LMX1A: variants seen among roughly 807,000 people sequenced by gnomAD.
The protein encoded by LMX1A is LIM homeobox transcription factor 1-alpha.
In LMX1A, 15 loss-of-function variants were observed where a neutral mutation model predicts 49.1. The ratio of observed to expected loss-of-function variants is 0.31; its 90% CI spans 0.20 to 0.47. LMX1A has a LOEUF of 0.47. Ranked by LOEUF, LMX1A falls within the 20% of genes least tolerant of loss-of-function variation. LMX1A has a pLI of 1.00. For synonymous variants in LMX1A, 167 were observed against 185.7 expected, an observed-to-expected ratio of 0.90 and a Z score of 0.82; for missense variants, 372 against 475.8, an observed-to-expected ratio of 0.78 and a Z score of 2.03.
At chr1:165,231,705 A>T (rs572539206) in intron 4 of LMX1A, among the ~76,000 whole-genome samples, 1 of 152,184 alleles carries the variant, frequency 6.6e-6, no homozygotes, top group East Asian at 1.9e-4. Context: ...GTGCAAAATT[A>T]TAGTTGTTGT....
chr1:165,301,277 C>G (rs1654766957), intron 3 of LMX1A, among the ~76,000 whole-genome samples: 1 of 152,184 alleles, frequency 6.6e-6, no homozygotes, highest in Non-Finnish European at 1.5e-5. Flanking sequence ...CACCTGGCAA[C>G]TGTATGGTTG....
chr1:165,238,273 T>G (rs902228775), intron 4 of LMX1A, among the ~76,000 whole-genome samples: 2 of 152,222 alleles, frequency 1.3e-5, no homozygotes, highest in Non-Finnish European at 2.9e-5. Flanking sequence ...TTTATTCATT[T>G]GATTGATGGG....
chr1:165,337,398 C>A (rs1409913012), intron 3 of LMX1A, among the ~76,000 whole-genome samples: 1 of 152,066 alleles, frequency 6.6e-6, no homozygotes, highest in Non-Finnish European at 1.5e-5. Flanking sequence ...CTAAAACAAC[C>A]AAATAGGAAT....
intron 3 of LMX1A, among the ~76,000 whole-genome samples, chr1:165,260,925 A>AT (rs1319302508): frequency 3.3e-5 from 5 of 152,232 alleles, no homozygotes; most frequent in Admixed American, 3.3e-4. Context: ...CTCAAAGCAC[A>AT]TGCAATCTTG....
At chr1:165,322,819 A>G (rs556021280) in intron 3 of LMX1A, among the ~76,000 whole-genome samples, 2 of 152,298 alleles carry the variant, frequency 1.3e-5, no homozygotes, top group South Asian at 2.1e-4. Context: ...TTTTATCTCA[A>G]TAAACAGAAA....
chr1:165,349,962 T>C (rs1010121872), intron 3 of LMX1A, among the ~76,000 whole-genome samples: 1 of 152,202 alleles, frequency 6.6e-6, no homozygotes, highest in Non-Finnish European at 1.5e-5. Context: ...TGATTGACAC[T>C]GAAAACTGTG....
rs6660972 is a variant in LMX1A, at chr1:165,249,792, A to G, written c.264-152T>C. Reference sequence around the variant, plus strand: ...TTTAAATCCAGGTTATTTATTCCCTAAGGAGATTGAATTGAAGCATTCAGT... The same window carrying G: ...TTTAAATCCAGGTTATTTATTCCCTGAGGAGATTGAATTGAAGCATTCAGT... On this transcript the variant is annotated intron_variant, in intron 3 of 8. Coordinates refer to ENST00000342310, the MANE Select transcript of LMX1A (RefSeq NM_177398.4). 49,078 of 645,918 alleles carry G rather than the reference A, an allele frequency of 0.076. 2,627 individuals are homozygous for G. Among genetic ancestry groups the G allele is most frequent in the South Asian group, 0.2 (10,309 of 51,970 alleles). The allele number at this position is 645,918 out of a possible 1,614,324, so 40.0% of individuals were successfully genotyped here.
intron 3 of LMX1A, among the ~76,000 whole-genome samples, chr1:165,298,432 T>C (rs762949763): frequency 6.6e-6 from 1 of 152,156 alleles, no homozygotes; most frequent in Non-Finnish European, 1.5e-5. Context: ...TAGTTCTAAA[T>C]GGCAAGCAGG....
intron 3 of LMX1A, among the ~76,000 whole-genome samples, chr1:165,256,624 T>G (rs539246595): frequency 6.6e-6 from 1 of 152,346 alleles, no homozygotes; most frequent in Non-Finnish European, 1.5e-5. Flanking sequence ...TCTATTCTAT[T>G]AATAGAAGAG....
intron 4 of LMX1A, among the ~76,000 whole-genome samples, chr1:165,224,910 T>C (rs1651979252): frequency 6.6e-6 from 1 of 152,238 alleles, no homozygotes; most frequent in South Asian, 2.1e-4. Flanking sequence ...TTGATATTGA[T>C]GCTACCAACA....
At chr1:165,345,386 T>C (rs563080287) in intron 3 of LMX1A, among the ~76,000 whole-genome samples, 3 of 152,330 alleles carry the variant, frequency 2.0e-5, no homozygotes, top group East Asian at 1.9e-4. Context: ...AGAAGTGTGA[T>C]GTTCAGAGAA....
chr1:165,261,404 T>G (rs1307177014), intron 3 of LMX1A, among the ~76,000 whole-genome samples: 4 of 152,146 alleles, frequency 2.6e-5, no homozygotes, highest in Non-Finnish European at 5.9e-5. Context: ...AGGTGTTGGA[T>G]GTAGAGAAAT....
At chr1:165,353,888 G>A (rs1256825717) in intron 2 of LMX1A, among the ~76,000 whole-genome samples, 1 of 152,236 alleles carries the variant, frequency 6.6e-6, no homozygotes, top group East Asian at 1.9e-4. Flanking sequence ...ACTAAGAAGC[G>A]TCAAAACAGA....
At chr1:165,338,264 A>G (rs1048567201) in intron 3 of LMX1A, among the ~76,000 whole-genome samples, 10 of 152,174 alleles carry the variant, frequency 6.6e-5, no homozygotes, top group Admixed American at 1.3e-4. Context: ...TGAGCTTCAG[A>G]ACCCTCTTTC....
chr1:165,286,260 C>G (rs946051347), intron 3 of LMX1A, among the ~76,000 whole-genome samples: 9 of 152,172 alleles, frequency 5.9e-5, no homozygotes, highest in African/African-American at 2.2e-4. Flanking sequence ...AGTATGTCGG[C>G]ACTCAATAAA....
chr1:165,325,935 G>T (rs2134942), intron 3 of LMX1A, among the ~76,000 whole-genome samples: 139,070 of 152,160 alleles, frequency 0.91, 63,610 homozygotes, highest in Middle Eastern at 0.95. Context: ...CCCTCCCCCG[G>T]GCCTGCCTGC....
intron 3 of LMX1A, among the ~76,000 whole-genome samples, chr1:165,318,436 G>A (rs186749410): frequency 6.6e-6 from 1 of 152,076 alleles, no homozygotes; most frequent in Non-Finnish European, 1.5e-5. Flanking sequence ...CAATCTGCTG[G>A]CTTCAGGTTC....
chr1:165,281,163 T>C (rs994363221), intron 3 of LMX1A, among the ~76,000 whole-genome samples: 1 of 151,856 alleles, frequency 6.6e-6, no homozygotes, highest in Admixed American at 6.6e-5. Context: ...CAGGACTGAA[T>C]AGGAAAAGGA....
intron 3 of LMX1A, among the ~76,000 whole-genome samples, chr1:165,339,149 T>C (rs1352863022): frequency 6.6e-6 from 1 of 152,202 alleles, no homozygotes; most frequent in Non-Finnish European, 1.5e-5. Flanking sequence ...AAACCCACTG[T>C]TATCCACTAG....
Sources: allele counts gnomAD v4.1 joint callset (sites outside exome capture counted in the v4.1 genomes callset), GRCh38; gene constraint gnomAD v4.1.1; transcripts MANE v1.5; gene names NCBI Gene and HGNC (gene_info 2026-07-23, HGNC 2026-07-21).